RBFOX1: variants seen among roughly 807,000 people sequenced by gnomAD.
RBFOX1 encodes the protein RNA binding protein fox-1 homolog 1.
In RBFOX1, 8 loss-of-function variants were observed where a neutral mutation model predicts 57.7. The observed-to-expected ratio is 0.14, with a 90% CI of 0.08 to 0.25. The LOEUF (loss-of-function observed/expected upper bound fraction) is 0.25. Among genes scored for constraint, RBFOX1 ranks in the 10% least tolerant of loss-of-function variants. The pLI is 1.00. For missense variants in RBFOX1, 611 were observed against 548.5 expected (o/e 1.11, Z -1.14); for synonymous variants, 326 against 222.4 (o/e 1.47, Z -4.15).
intron 3 of RBFOX1, among the ~76,000 whole-genome samples, chr16:7,046,001 A>G (rs891497957): frequency 3.9e-5 from 6 of 152,146 alleles, no homozygotes; most frequent in Admixed American, 3.3e-4. Flanking sequence ...TGCTATCACT[A>G]TTACTATACA....
chr16:7,403,456 A>G (rs976928081), intron 4 of RBFOX1, among the ~76,000 whole-genome samples: 1 of 151,828 alleles, frequency 6.6e-6, no homozygotes, highest in Non-Finnish European at 1.5e-5. Context: ...AGTGTTTTAG[A>G]TCCTGCATGT....
chr16:7,169,055 T>C (rs2080149726), intron 4 of RBFOX1, among the ~76,000 whole-genome samples: 1 of 152,206 alleles, frequency 6.6e-6, no homozygotes, highest in Non-Finnish European at 1.5e-5. Flanking sequence ...AGTGACAGTG[T>C]AGTTTGCATG....
intron 3 of RBFOX1, among the ~76,000 whole-genome samples, chr16:5,639,347 C>T (rs915435796): frequency 5.3e-5 from 8 of 152,174 alleles, no homozygotes; most frequent in East Asian, 1.9e-4. Flanking sequence ...GGCAACATCT[C>T]ATCCACAGTT....
At chr16:5,415,449 G>C (rs1307316155) in intron 1 of RBFOX1, among the ~76,000 whole-genome samples, 1 of 152,182 alleles carries the variant, frequency 6.6e-6, no homozygotes, top group African/African-American at 2.4e-5. Context: ...TTTGGGTGGA[G>C]ACACAGAGCC....
chr16:6,278,377 C>CAAAAAAAAAAA lies in RBFOX1; in HGVS notation c.-126-38593_-126-38583dup, dbSNP rs57523660. 1.8e-4 allele frequency among the ~76,000 whole-genome samples: 5 copies of CAAAAAAAAAAA among 28,070 alleles called. 1 individual carries two copies. The highest frequency in any genetic ancestry group is 3.8e-4 in the African/African-American group (3 of 7,944). 18.4% of individuals were successfully genotyped at this position (28,070 alleles called of 152,430 possible). A position where few individuals can be genotyped will look rare whatever the true frequency, so the allele number is the denominator to read the frequency against. On this transcript the variant is annotated intron_variant, in intron 1 of 15. Transcript: ENST00000550418. The stretch of plus-strand genomic sequence containing the variant: ...AACTGGGGGAAATTGTAGGACTCAC[C>CAAAAAAAAAAA]AAAAAAAAAAAAAAAAAAAAAAAAA...
At chr16:6,340,956 A>G (rs2084479244) in intron 2 of RBFOX1, among the ~76,000 whole-genome samples, 1 of 152,110 alleles carries the variant, frequency 6.6e-6, no homozygotes, top group African/African-American at 2.4e-5. Context: ...AAACCAGAAG[A>G]AAAAAGGGGA....
intron 3 of RBFOX1, among the ~76,000 whole-genome samples, chr16:5,627,018 T>C (rs2048368102): frequency 6.6e-6 from 1 of 152,224 alleles, no homozygotes; most frequent in Non-Finnish European, 1.5e-5. Context: ...TCTAACTCAC[T>C]TTTTGTTAAT....
chr16:7,500,791 G>A (rs1014912617), intron 4 of RBFOX1, among the ~76,000 whole-genome samples: 14 of 152,168 alleles, frequency 9.2e-5, no homozygotes, highest in African/African-American at 3.4e-4. Context: ...TGGTTTGTCA[G>A]TGTCCCCACT....
intron 3 of RBFOX1, among the ~76,000 whole-genome samples, chr16:5,631,733 G>A (rs529902278): frequency 6.6e-6 from 1 of 152,176 alleles, no homozygotes; most frequent in South Asian, 2.1e-4. Context: ...TTGAGTTTTG[G>A]CTCTTAGGAG....
chr16:6,153,033 G>GTTTTTT (rs59957159), intron 1 of RBFOX1, among the ~76,000 whole-genome samples: 3 of 128,132 alleles, frequency 2.3e-5, no homozygotes, highest in African/African-American at 8.5e-5. Context: ...GTTATTTTCT[G>GTTTTTT]TTTTTTTTTT....
At chr16:7,667,789 T>G (rs2069887205) in intron 13 of RBFOX1, among the ~76,000 whole-genome samples, 1 of 152,130 alleles carries the variant, frequency 6.6e-6, no homozygotes, top group Non-Finnish European at 1.5e-5. Flanking sequence ...TTCTCCTGCC[T>G]CAGCTTCCTG....
chr16:7,195,105 T>C (rs903284838), intron 4 of RBFOX1, among the ~76,000 whole-genome samples: 1 of 152,206 alleles, frequency 6.6e-6, no homozygotes, highest in Non-Finnish European at 1.5e-5. Flanking sequence ...CTTCAGTCTA[T>C]CAACACCCTT....
chr16:6,458,240 C>T (rs940604606), intron 2 of RBFOX1, among the ~76,000 whole-genome samples: 2 of 151,450 alleles, frequency 1.3e-5, no homozygotes, highest in African/African-American at 4.9e-5. Context: ...TTTTACCTTG[C>T]TGGCATCACT....
At chr16:7,418,608 C>G (rs191275073) in intron 4 of RBFOX1, among the ~76,000 whole-genome samples, 2 of 152,316 alleles carry the variant, frequency 1.3e-5, no homozygotes, top group Admixed American at 6.5e-5. Context: ...TTTGGCTGAA[C>G]TGTTCGTTGC....
intron 5 of RBFOX1, among the ~76,000 whole-genome samples, chr16:7,568,415 C>T (rs973951260): frequency 6.6e-6 from 1 of 152,030 alleles, no homozygotes; most frequent in African/African-American, 2.4e-5. Context: ...GTGGGAGTGT[C>T]TCTTAGCAGG....
intron 2 of RBFOX1, among the ~76,000 whole-genome samples, chr16:6,522,154 A>AGAGTGT (rs929664653): frequency 3.5e-5 from 5 of 142,858 alleles, no homozygotes; most frequent in African/African-American, 1.3e-4. Context: ...GGGGACCCAC[A>AGAGTGT]GTGTGTGTGT....
chr16:7,632,666 A>G (rs1261271763), intron 11 of RBFOX1, among the ~76,000 whole-genome samples: 2 of 152,188 alleles, frequency 1.3e-5, no homozygotes, highest in African/African-American at 4.8e-5. Flanking sequence ...AAAACTTACC[A>G]TAGGGCTGGG....
chr16:5,949,490 C>T (rs912067325), intron 4 of RBFOX1, among the ~76,000 whole-genome samples: 1 of 134,178 alleles, frequency 7.5e-6, no homozygotes, highest in Non-Finnish European at 1.5e-5. Flanking sequence ...CACGCCAGTG[C>T]ACTCTAGCCT....
intron 4 of RBFOX1, among the ~76,000 whole-genome samples, chr16:7,079,465 C>T (rs115388612): frequency 0.01 from 1,529 of 152,298 alleles, 30 homozygotes; most frequent in African/African-American, 0.035. Flanking sequence ...TGTCATGCAG[C>T]ACAAGCAAGA....
Sources: allele counts gnomAD v4.1 joint callset (sites outside exome capture counted in the v4.1 genomes callset), GRCh38; gene constraint gnomAD v4.1.1; transcripts MANE v1.5; gene names NCBI Gene and HGNC (gene_info 2026-07-23, HGNC 2026-07-21).